USP53: variants seen among roughly 807,000 people sequenced by gnomAD.
The protein encoded by USP53 is ubiquitin carboxyl-terminal hydrolase 53.
A neutral mutation model predicts 94.9 loss-of-function variants in USP53; 71 were observed. The observed-to-expected ratio is 0.75, with a 90% confidence interval of 0.62 to 0.91. The LOEUF (loss-of-function observed/expected upper bound fraction) is 0.91. Among genes scored for constraint, USP53 ranks in the 40% least tolerant of loss-of-function variants. USP53 has a pLI of 0.00. For missense variants in USP53, 1,173 were observed against 1,281.0 expected (o/e 0.92, Z 1.29); for synonymous variants, 375 against 422.7 (o/e 0.89, Z 1.39).
At chr4:119,216,242 G>T (rs1237355581) in intron 2 of USP53, among the ~76,000 whole-genome samples, 6 of 152,050 alleles carry the variant, frequency 3.9e-5, no homozygotes, top group Non-Finnish European at 7.4e-5. Flanking sequence ...TTAGCCAGGC[G>T]TGGTGGTGCA....
At chr4:119,279,842 CG>C (rs894306288) in intron 17 of USP53, among the ~76,000 whole-genome samples, 46 of 152,182 alleles carry the variant, frequency 3.0e-4, no homozygotes, top group Admixed American at 5.2e-4. Flanking sequence ...GCGCAATATT[CG>C]GGTGGGAGTG....
chr4:119,250,162 A>G (rs373567275), intron 7 of USP53, among the ~76,000 whole-genome samples: 310 of 152,276 alleles, frequency 2.0e-3, no homozygotes, highest in African/African-American at 7.2e-3. Flanking sequence ...TGTTCCTCAC[A>G]TATATTTTTA....
chr4:119,264,288 T>C (rs1170382577), intron 12 of USP53, among the ~76,000 whole-genome samples: 1 of 152,180 alleles, frequency 6.6e-6, no homozygotes, highest in Non-Finnish European at 1.5e-5. Context: ...CAGGGGAGGA[T>C]AGTAAAACTA....
At chr4:119,222,309 A>G (rs1744650357) in intron 3 of USP53, among the ~76,000 whole-genome samples, 1 of 152,200 alleles carries the variant, frequency 6.6e-6, no homozygotes, top group African/African-American at 2.4e-5. Flanking sequence ...TGAGTTAGTA[A>G]CATTCTAATA....
At chr4:119,251,414 A>G (rs758287227) in intron 7 of USP53, among the ~76,000 whole-genome samples, 4 of 152,178 alleles carry the variant, frequency 2.6e-5, no homozygotes, top group Non-Finnish European at 5.9e-5. Flanking sequence ...CTTTGGGTAT[A>G]TACCCAGTAA....
chr4:119,270,022 A>G (rs1751648409), intron 15 of USP53, among the ~76,000 whole-genome samples, 185 bp downstream of exon 15: 5 of 144,644 alleles, frequency 3.5e-5, no homozygotes, highest in African/African-American at 1.2e-4. Context: ...ATATTTCTGT[A>G]TATGTATAAA....
chr4:119,233,912 T>C (rs1282822369), intron 3 of USP53, among the ~76,000 whole-genome samples: 1 of 151,738 alleles, frequency 6.6e-6, no homozygotes, highest in Non-Finnish European at 1.5e-5. Context: ...GAGGTGGGAG[T>C]GTGTGGGCTG....
rs1750562278 is a variant in USP53 at position 119,261,865 on chromosome 4, G to A, written c.972+1G>A. 6.9e-7 allele frequency: 1 copy of A among 1,452,586 alleles called. No individual in the cohort carries two copies. The highest frequency in any genetic ancestry group is 2.1e-5 in the Admixed American group (1 of 47,924). 90.0% of individuals were successfully genotyped at this position (1,452,586 alleles called of 1,614,324 possible). A position where few individuals can be genotyped will look rare whatever the true frequency, so the allele number is the denominator to read the frequency against. On this transcript the variant is annotated splice_donor_variant, in intron 12 of 18. Transcript: ENST00000692078. LOFTEE classifies it high-confidence loss of function. ...TTTTGATGATGCAAATGTGAAAGAG[G>A]TAAGTGACACTTTCTTTAATTGAAA...
At chr4:119,238,689 A>G (rs1747124451) in intron 4 of USP53, among the ~76,000 whole-genome samples, 1 of 152,208 alleles carries the variant, frequency 6.6e-6, no homozygotes, top group South Asian at 2.1e-4. Flanking sequence ...GCTATAAAAC[A>G]AAGTATTCTT....
At chr4:119,212,906 A>G (rs1743048634) in intron 1 of USP53, 33 bp downstream of exon 1, 1 of 176,862 alleles carries the variant, frequency 5.7e-6, no homozygotes, top group South Asian at 1.1e-4. Context: ...CTGGTTGGAG[A>G]TCCAGAGACC....
At chr4:119,271,111 C>T in intron 15 of USP53, 185 bp from the exon 16 acceptor site, 1 of 630,776 alleles carries the variant, frequency 1.6e-6, no homozygotes, top group South Asian at 7.1e-5. Flanking sequence ...TTACAAATAC[C>T]CCTCATTAAG....
At chr4:119,286,727 TA>T (rs999469498) in intron 17 of USP53, among the ~76,000 whole-genome samples, 1 of 152,056 alleles carries the variant, frequency 6.6e-6, no homozygotes, top group Non-Finnish European at 1.5e-5. Flanking sequence ...AATATGAAGT[TA>T]AAAATCACAC....
Position 119,272,035 on chromosome 4 carries a change from G to T in USP53, c.2174+1G>T. 6.4e-7 allele frequency: 1 copy of T among 1,550,764 alleles called. No homozygotes were observed. The highest frequency in any genetic ancestry group is 8.7e-7 in the Non-Finnish European group (1 of 1,152,174). On this transcript the variant is annotated splice_donor_variant, in intron 16 of 18. Coordinates refer to ENST00000692078, the MANE Select transcript of USP53 (RefSeq NM_001371395.1). LOFTEE classifies it high-confidence loss of function. Reference sequence around the variant, plus strand: ...GTGTTAAAGAAACAGTATGCTTCAGGTAATGTAAAAGTTGAGTGAATCATT... The same window carrying T: ...GTGTTAAAGAAACAGTATGCTTCAGTTAATGTAAAAGTTGAGTGAATCATT...
At chr4:119,257,014 T>G (rs1664537221) in intron 9 of USP53, among the ~76,000 whole-genome samples, 1 of 152,242 alleles carries the variant, frequency 6.6e-6, no homozygotes, top group South Asian at 2.1e-4. Flanking sequence ...TTTGCCATGC[T>G]TGCCTGCTCA....
In USP53 at chr4:119,238,116, T is replaced by C. The variant is rs544687009; in HGVS notation, c.-542-1102T>C. 6.6e-5 allele frequency among the ~76,000 whole-genome samples: 10 copies of C among 152,302 alleles called. No individual in the cohort carries two copies. The East Asian group carries it at 1.9e-3, about 29-fold the overall frequency. On this transcript the variant is annotated intron_variant, in intron 4 of 18. Transcript: ENST00000692078. ...TGTTTATTTGAGTAACACTTTTAATTTCCTTCAAGAGCTTTCCCTTTGCAT... is the reference window on the plus strand; with the variant it reads ...TGTTTATTTGAGTAACACTTTTAATCTCCTTCAAGAGCTTTCCCTTTGCAT...
intron 17 of USP53, among the ~76,000 whole-genome samples, chr4:119,274,027 T>G (rs1204238299): frequency 6.6e-6 from 1 of 150,562 alleles, no homozygotes; most frequent in Non-Finnish European, 1.5e-5. Flanking sequence ...CTATTGCTTT[T>G]GAAGTTTGCA....
intron 14 of USP53, among the ~76,000 whole-genome samples, chr4:119,269,343 C>A (rs910988455): frequency 6.6e-6 from 1 of 152,080 alleles, no homozygotes; most frequent in African/African-American, 2.4e-5. Context: ...GTTTCCTTAC[C>A]CAAAATAGAG....
intron 5 of USP53, among the ~76,000 whole-genome samples, chr4:119,241,059 G>A (rs953092398): frequency 2.0e-5 from 3 of 152,078 alleles, no homozygotes; most frequent in African/African-American, 2.4e-5. Flanking sequence ...ATATTTTTCT[G>A]TTTACCCTTT....
chr4:119,263,302 C>T (rs976292687), intron 12 of USP53, among the ~76,000 whole-genome samples: 5 of 152,148 alleles, frequency 3.3e-5, no homozygotes, highest in African/African-American at 1.2e-4. Flanking sequence ...ATAATTACCC[C>T]CTGCTTACTG....
Sources: gnomAD v4.1 joint callset for allele counts (sites outside exome capture counted in the v4.1 genomes callset) on GRCh38, gnomAD v4.1.1 for gene constraint, MANE v1.5 for transcripts, NCBI Gene and HGNC (gene_info 2026-07-23, HGNC 2026-07-21) for gene names.